Variants in GOLGB1 observed in about 807,000 individuals in gnomAD.
GOLGB1 encodes the protein golgin B1, also known as golgin subfamily B member 1.
GOLGB1 carries 174 observed loss-of-function variants against 336.9 expected under a neutral mutation model. The observed-to-expected ratio is 0.52, with a 90% CI of 0.46 to 0.59. GOLGB1 has a LOEUF of 0.59. Ranked by LOEUF, GOLGB1 falls within the 20% of genes least tolerant of loss-of-function variation. The pLI, the probability that GOLGB1 is intolerant of heterozygous loss-of-function variation, is 0.00. For synonymous variants in GOLGB1, 1,208 were observed against 1,289.2 expected (o/e 0.94, Z 1.35); for missense variants, 3,331 against 3,645.3 (o/e 0.91, Z 2.22).
intron 14 of GOLGB1, among the ~76,000 whole-genome samples, chr3:121,683,053 ATTTTTTTT>A (rs746649684): frequency 2.7e-3 from 219 of 82,498 alleles, no homozygotes; most frequent in African/African-American, 6.9e-3. Context: ...ATTTCTTTTA[ATTTTTTTT>A]TTTTTTTTTT....
chr3:121,728,543 A>G (rs1278633999), intron 4 of GOLGB1, among the ~76,000 whole-genome samples: 1 of 152,224 alleles, frequency 6.6e-6, no homozygotes, highest in Non-Finnish European at 1.5e-5. Flanking sequence ...CTGAATGTGA[A>G]TATGTGGAGT....
rs143743397 is a variant in GOLGB1, at chr3:121,695,831, T to C, written c.4692A>G (p.Leu1564=). Residue 1564 remains leucine, a synonymous_variant, in exon 13 of 22, where the codon TTA becomes TTG. Transcript: ENST00000614479. Reference sequence around the variant, plus strand: ...AGCTGCTGAGACTCTGATTTTCCAATAAAGACCTGTCCATTTCTGTAATGA... The same window carrying C: ...AGCTGCTGAGACTCTGATTTTCCAACAAAGACCTGTCCATTTCTGTAATGA... ...DKLITEMDRS[L]LENQSLSSSC... 3.4e-5 allele frequency: 55 copies of C among 1,613,978 alleles called. No homozygotes were observed. The highest frequency in any genetic ancestry group is 4.6e-5 in the Non-Finnish European group (54 of 1,179,966).
intron 10 of GOLGB1, among the ~76,000 whole-genome samples, chr3:121,714,279 T>G (rs910089181): frequency 9.2e-5 from 14 of 152,212 alleles, no homozygotes; most frequent in African/African-American, 2.7e-4. Context: ...AACATCAAAC[T>G]AACTGCCTTC....
chr3:121,669,256 T>G lies in GOLGB1; in HGVS notation c.9277A>C (p.Asn3093His). 6.2e-7 allele frequency: 1 copy of G among 1,614,070 alleles called. No individual in the cohort carries two copies. Among genetic ancestry groups the G allele is most frequent in the Non-Finnish European group, 8.5e-7 (1 of 1,179,940 alleles). ...ENQQHYGDLL[N>H]HCAVLEKQVQ... ...TGCTTCTCCAAGACTGCACAGTGATTTAAAAGGTCACCATAGTGCTGCTGG... is the reference window on the plus strand; with the variant it reads ...TGCTTCTCCAAGACTGCACAGTGATGTAAAAGGTCACCATAGTGCTGCTGG... Residue 3093 changes from asparagine to histidine, a missense_variant, in exon 18 of 22, where the codon AAT becomes CAT. Asn to His is a moderately conservative substitution (Grantham distance 68). Transcript: ENST00000614479.
At chr3:121,676,748 A>C in intron 17 of GOLGB1, 145 bp downstream of exon 17, 1 of 686,160 alleles carries the variant, frequency 1.5e-6, no homozygotes. Flanking sequence ...CTTTGGAATA[A>C]GCACCCAGGT....
At chr3:121,683,865 C>A (rs1361561945) in intron 14 of GOLGB1, among the ~76,000 whole-genome samples, 3 of 152,108 alleles carry the variant, frequency 2.0e-5, no homozygotes, top group Non-Finnish European at 2.9e-5. Flanking sequence ...GACGGTGGCT[C>A]ATGCCTGTAA....
chr3:121,684,139 A>AAC (rs1560194045), intron 14 of GOLGB1, among the ~76,000 whole-genome samples: 1 of 148,784 alleles, frequency 6.7e-6, no homozygotes, highest in African/African-American at 2.5e-5. Flanking sequence ...AAAAAAAAAA[A>AAC]AAAAAAAAAA....
chr3:121,742,625 A>C (rs1333102659), intron 1 of GOLGB1, among the ~76,000 whole-genome samples: 14 of 152,196 alleles, frequency 9.2e-5, no homozygotes, highest in Non-Finnish European at 2.1e-4. Context: ...AATGGGATCT[A>C]ATTAAACTAA....
At position 121,698,079 on chromosome 3, in the gene GOLGB1, A is replaced by C. The variant is rs1327704906; in HGVS notation, c.2444T>G (p.Val815Gly). The change falls in exon 13 of 22, where the codon GTG becomes GGG. Residue 815 changes from valine (V) to glycine (G), a missense_variant. By Grantham distance (109) the Val-to-Gly change is moderately radical. Coordinates refer to ENST00000614479, the MANE Select transcript of GOLGB1 (RefSeq NM_001366282.2). ...TTCATTCTGTAAAACTTCAATTTTCACATCTTTAGATTTGGCTTCTATGCT... is the reference window on the plus strand; with the variant it reads ...TTCATTCTGTAAAACTTCAATTTTCCCATCTTTAGATTTGGCTTCTATGCT... The part of the protein sequence containing the change: ...SLSIEAKSKD[V>G]KIEVLQNELD... 6.2e-7 allele frequency: 1 copy of C among 1,614,072 alleles called. No homozygotes were observed. The highest frequency in any genetic ancestry group is 8.5e-7 in the Non-Finnish European group (1 of 1,179,980).
chr3:121,677,038 G>A lies in GOLGB1; in HGVS notation c.9040-8C>T, dbSNP rs1207128471. 1 of 1,613,764 alleles carries A rather than the reference G, an allele frequency of 6.2e-7. No homozygotes were observed. Among genetic ancestry groups the A allele is most frequent in the Admixed American group, 1.7e-5 (1 of 60,006 alleles). On this transcript the variant is annotated splice_polypyrimidine_tract_variant and splice_region_variant and intron_variant, in intron 16 of 21. Coordinates refer to ENST00000614479, the MANE Select transcript of GOLGB1 (RefSeq NM_001366282.2). Reference sequence around the variant, plus strand: ...TGATGTCTCTGGGGATGCCTGCCAGGACACAAACATTGATCAGATTCTCTC... The same window carrying A: ...TGATGTCTCTGGGGATGCCTGCCAGAACACAAACATTGATCAGATTCTCTC...
chr3:121,736,300 C>T (rs1028737298), intron 1 of GOLGB1, among the ~76,000 whole-genome samples: 2 of 152,136 alleles, frequency 1.3e-5, no homozygotes, highest in Non-Finnish European at 2.9e-5. Context: ...AAAACAGCAA[C>T]ATCAGAGTGG....
At chr3:121,748,189 A>T (rs1049989496) in intron 1 of GOLGB1, among the ~76,000 whole-genome samples, 7 of 152,182 alleles carry the variant, frequency 4.6e-5, no homozygotes, top group Non-Finnish European at 7.3e-5. Flanking sequence ...AAAAACAAGG[A>T]AGTATCTTTA....
At position 121,688,584 on chromosome 3, in the gene GOLGB1, G is replaced by T. The variant is rs573993366; in HGVS notation, c.8694+2086C>A. Reference sequence around the variant, plus strand: ...GCCTTGGCCTCCCAAAGTGCCGAGAGTGCAGCCTCTGCCCCGCCGCCACCC... The same window carrying T: ...GCCTTGGCCTCCCAAAGTGCCGAGATTGCAGCCTCTGCCCCGCCGCCACCC... On this transcript the variant is annotated intron_variant, in intron 14 of 21. Coordinates refer to ENST00000614479, the MANE Select transcript of GOLGB1 (RefSeq NM_001366282.2). 2.6e-5 allele frequency among the ~76,000 whole-genome samples: 4 copies of T among 152,356 alleles called. No homozygotes were observed. The East Asian group carries it at 7.7e-4, about 29-fold the overall frequency.
At chr3:121,667,659 T>G in intron 19 of GOLGB1, 49 bp from the exon 20 acceptor site, 1 of 1,576,172 alleles carries the variant, frequency 6.3e-7, no homozygotes, top group East Asian at 2.2e-5. Context: ...CAGAAAACAG[T>G]TGCTAATACA....
intron 4 of GOLGB1, among the ~76,000 whole-genome samples, chr3:121,728,638 A>G (rs1006525611): frequency 6.6e-6 from 1 of 152,200 alleles, no homozygotes; most frequent in African/African-American, 2.4e-5. Context: ...CCTCCTCTGT[A>G]TCTCCAACCT....
chr3:121,733,062 G>A lies in GOLGB1; in HGVS notation c.-2-2089C>T, dbSNP rs569330840. The stretch of plus-strand genomic sequence containing the variant: ...CTGCAGGCCAGGTGCGGTAGCTCAC[G>A]CCTGTAATCCCAGCACTTTGGGAGG... On this transcript the variant is annotated intron_variant, in intron 1 of 21. Transcript: ENST00000614479. Among the ~76,000 whole-genome samples the A allele has an allele frequency of 5.3e-5, 8 of 152,080 alleles. No individual in the cohort carries two copies. In the South Asian group the frequency reaches 1.0e-3, roughly 20 times the overall value.
At position 121,693,801 on chromosome 3, in the gene GOLGB1, A is replaced by G. The variant is rs1451809619; in HGVS notation, c.6722T>C (p.Leu2241Pro). ...IRLKEDNCSV[L>P]KDQLRQMSIH... ...GGACATCTGTCTAAGTTGATCCTTT[A>G]GAACACTGCAATTATCTTCTTTGAG... Residue 2241 changes from leucine (L) to proline (P), a missense_variant, in exon 13 of 22, where the codon CTA (leucine) becomes CCA (proline). Physicochemically the swap from Leu to Pro is moderately conservative, Grantham distance 98. Transcript: ENST00000614479. 2 of 1,609,876 alleles carry G rather than the reference A, an allele frequency of 1.2e-6. No individual in the cohort carries two copies. Among genetic ancestry groups the G allele is most frequent in the Non-Finnish European group, 1.7e-6 (2 of 1,176,246 alleles).
rs763840730 is a variant in GOLGB1 at position 121,696,478 on chromosome 3, C to A, written c.4045G>T (p.Glu1349Ter). ...TCTAAACCCTGTTTATTTATCTGCT[C>A]TTGTAACTGAAATACCTCTTCTGAT... ...KKSEEVFQLQEQINKQGLEIE... is the reference protein window; with the variant it reads ...KKSEEVFQLQ The change falls in exon 13 of 22, where the codon GAG (glutamate) becomes TAG (stop). Residue 1349 changes from glutamate to a stop codon, truncating the protein, a stop_gained. Coordinates refer to ENST00000614479, the MANE Select transcript of GOLGB1 (RefSeq NM_001366282.2). LOFTEE classifies it high-confidence loss of function. 4 of 1,614,032 alleles carry A rather than the reference C, an allele frequency of 2.5e-6. No homozygotes were observed. Among genetic ancestry groups the A allele is most frequent in the Non-Finnish European group, 3.4e-6 (4 of 1,179,960 alleles).
chr3:121,712,969 C>T (rs1944467288), intron 10 of GOLGB1, among the ~76,000 whole-genome samples: 1 of 152,100 alleles, frequency 6.6e-6, no homozygotes, highest in Non-Finnish European at 1.5e-5. Context: ...TGAGACCAGC[C>T]TGGCCAACAT....
Sources: allele counts gnomAD v4.1 joint callset (sites outside exome capture counted in the v4.1 genomes callset), GRCh38; gene constraint gnomAD v4.1.1; transcripts MANE v1.5; gene names NCBI Gene and HGNC (gene_info 2026-07-23, HGNC 2026-07-21).